Variants in ABCA12 observed in about 807,000 individuals in gnomAD.
ABCA12 encodes ATP binding cassette subfamily A member 12.
A neutral mutation model predicts 293.5 loss-of-function variants in ABCA12; 156 were observed. That is an observed-to-expected ratio of 0.53 (90% CI 0.47 to 0.61). The LOEUF (loss-of-function observed/expected upper bound fraction) is 0.61. Ranked by LOEUF, ABCA12 falls within the 20% of genes least tolerant of loss-of-function variation. ABCA12 has a pLI of 0.00. For missense variants in ABCA12, 2,797 were observed against 3,090.2 expected (o/e 0.91, Z 2.25); for synonymous variants, 1,063 against 1,108.0 (o/e 0.96, Z 0.81).
chr2:214,973,257 T>C (rs184843086), intron 36 of ABCA12, among the ~76,000 whole-genome samples: 2 of 152,304 alleles, frequency 1.3e-5, no homozygotes, highest in African/African-American at 4.8e-5. Flanking sequence ...TATAAACTAT[T>C]ATACCAAGAC....
intron 3 of ABCA12, among the ~76,000 whole-genome samples, chr2:215,056,454 C>A (rs944505543): frequency 1.3e-5 from 2 of 152,088 alleles, no homozygotes; most frequent in South Asian, 2.1e-4. Flanking sequence ...TCTAACAGCA[C>A]CTTTCTCTCA....
intron 2 of ABCA12, among the ~76,000 whole-genome samples, chr2:215,068,124 C>T (rs888561278): frequency 1.3e-5 from 2 of 152,080 alleles, no homozygotes; most frequent in Non-Finnish European, 2.9e-5. Flanking sequence ...CAAGTTTGAT[C>T]CTTGGACCAA....
intron 28 of ABCA12, among the ~76,000 whole-genome samples, chr2:214,985,695 A>C (rs1429782300): frequency 6.6e-6 from 1 of 152,182 alleles, no homozygotes; most frequent in African/African-American, 2.4e-5. Context: ...TATTTACAAA[A>C]AAAAATTAAT....
At chr2:215,039,378 C>T in intron 7 of ABCA12, among the ~76,000 whole-genome samples, 1 of 152,162 alleles carries the variant, frequency 6.6e-6, no homozygotes, top group East Asian at 1.9e-4. Flanking sequence ...TTTAGTGACA[C>T]TGTCAGCTTT....
At chr2:214,981,959 TATTATTA>T (rs1289526356) in intron 30 of ABCA12, among the ~76,000 whole-genome samples, 2,346 of 134,886 alleles carry the variant, frequency 0.017, 81 homozygotes, top group Middle Eastern at 0.04. Context: ...TTATTATTAT[TATTATTA>T]TTATTATTAT....
At chr2:215,020,061 T>TA (rs1172311162) in intron 11 of ABCA12, among the ~76,000 whole-genome samples, 1 of 152,202 alleles carries the variant, frequency 6.6e-6, no homozygotes, top group Non-Finnish European at 1.5e-5. Flanking sequence ...AAATGGAGTT[T>TA]AGTTTTATCC....
In ABCA12 at chr2:214,997,726, A is replaced by T; in HGVS notation, c.3263T>A (p.Leu1088His). Reference protein sequence around the residue: ...VVFIAAFVKKLVYEKDLRLHE... With the variant: ...VVFIAAFVKKHVYEKDLRLHE... Reference sequence around the variant, plus strand: ...AAGCCGGAGGTCTTTCTCATAGACAAGCTTTTTTACAAAGGCAGCTATAAA... The same window carrying T: ...AAGCCGGAGGTCTTTCTCATAGACATGCTTTTTTACAAAGGCAGCTATAAA... The change falls in exon 23 of 53, where the codon CTT (leucine) becomes CAT (histidine). Residue 1088 changes from leucine to histidine, a missense_variant. Coordinates refer to ENST00000272895, the MANE Select transcript of ABCA12 (RefSeq NM_173076.3). 6.2e-7 allele frequency: 1 copy of T among 1,613,298 alleles called. No individual in the cohort carries two copies. The highest frequency in any genetic ancestry group is 1.1e-5 in the South Asian group (1 of 91,046).
At chr2:214,947,301 C>G in intron 48 of ABCA12, 121 bp downstream of exon 48, 1 of 1,404,450 alleles carries the variant, frequency 7.1e-7, no homozygotes, top group Non-Finnish European at 1.0e-6. Context: ...TGCACAATAG[C>G]TAGCACATAG....
intron 17 of ABCA12, 127 bp downstream of exon 17, chr2:215,011,312 A>G (rs1700366585): frequency 1.3e-6 from 1 of 750,882 alleles, no homozygotes; most frequent in East Asian, 2.7e-5. Context: ...AGTGCTGTAT[A>G]ATTATTTTCT....
Position 214,977,648 on chromosome 2 carries a change from G to T in ABCA12, c.5128+668C>A, listed in dbSNP as rs555039870. Among the ~76,000 whole-genome samples, 3 of 152,182 alleles carry T rather than the reference G, an allele frequency of 2.0e-5. No individual in the cohort carries two copies. The South Asian group carries it at 6.2e-4, about 32-fold the overall frequency. ...GAGACAATAAAAGTTATTTTCAAAA[G>T]AGCCCAATCCCACAAAGTCGTGTCA... On this transcript the variant is annotated intron_variant, in intron 33 of 52. Coordinates refer to ENST00000272895, the MANE Select transcript of ABCA12 (RefSeq NM_173076.3).
In ABCA12 at chr2:214,943,783, T is replaced by TA. The variant is rs540499470; in HGVS notation, c.7344-767dup. ...CAGTCTCTAATTTCATGGTCTATCA[T>TA]AATTGGAGGTGATTTTAGGTATTAC... On this transcript the variant is annotated intron_variant, in intron 49 of 52. Transcript: ENST00000272895. 8.0e-3 allele frequency among the ~76,000 whole-genome samples: 1,213 copies of TA among 152,294 alleles called. 9 individuals are homozygous for TA. Among genetic ancestry groups the TA allele is most frequent in the Non-Finnish European group, 0.014 (946 of 68,024 alleles).
chr2:214,968,851 ATCT>A lies in ABCA12; in HGVS notation c.5691-47_5691-45del, dbSNP rs770640784. The A allele has an allele frequency of 3.2e-6, 5 of 1,547,490 alleles. No individual in the cohort carries two copies. The Admixed American group carries it at 5.0e-5, about 16-fold the overall frequency. ...ATATATCTTTGGTTTAGTGGAGAAAATCTTCTTAAATAGATCTAAAATACTTAA... is the reference window on the plus strand; with the variant it reads ...ATATATCTTTGGTTTAGTGGAGAAAATCTTAAATAGATCTAAAATACTTAA... On this transcript the variant is annotated intron_variant, in intron 37 of 52. Coordinates refer to ENST00000272895, the MANE Select transcript of ABCA12 (RefSeq NM_173076.3).
chr2:215,054,511 A>C (rs1381218257), intron 4 of ABCA12, 62 bp downstream of exon 4: 2 of 1,363,328 alleles, frequency 1.5e-6, no homozygotes, highest in Non-Finnish European at 2.1e-6. Context: ...AAACCTTTCA[A>C]AGATTAGACC....
At chr2:214,988,771 C>T (rs1057238025) in intron 26 of ABCA12, among the ~76,000 whole-genome samples, 4 of 151,872 alleles carry the variant, frequency 2.6e-5, no homozygotes, top group Non-Finnish European at 4.4e-5. Flanking sequence ...AAGGAATATC[C>T]GAGAGGAAAT....
intron 4 of ABCA12, among the ~76,000 whole-genome samples, chr2:215,053,091 T>C (rs756528290): frequency 2.6e-5 from 4 of 152,048 alleles, no homozygotes; most frequent in Admixed American, 6.6e-5. Context: ...ATATTTTAGA[T>C]CAAATAAATG....
chr2:215,118,367 A>G (rs1575055979), intron 1 of ABCA12, among the ~76,000 whole-genome samples: 1 of 152,310 alleles, frequency 6.6e-6, no homozygotes. Flanking sequence ...TTGCCACTGC[A>G]TGCCAGCCTG....
intron 23 of ABCA12, among the ~76,000 whole-genome samples, chr2:214,996,614 A>T (rs1700038542): frequency 6.6e-6 from 1 of 152,186 alleles, no homozygotes; most frequent in African/African-American, 2.4e-5. Context: ...AAACTAGTTG[A>T]TGAGAAGTTT....
chr2:215,065,919 C>A (rs145726344), intron 2 of ABCA12, among the ~76,000 whole-genome samples: 1 of 152,192 alleles, frequency 6.6e-6, no homozygotes, highest in Non-Finnish European at 1.5e-5. Flanking sequence ...CTGAAGCCCA[C>A]CAAACTATTC....
intron 2 of ABCA12, among the ~76,000 whole-genome samples, chr2:215,098,480 TA>T (rs893350836): frequency 5.3e-5 from 8 of 152,344 alleles, no homozygotes; most frequent in African/African-American, 1.9e-4. Flanking sequence ...CTCCAGATTG[TA>T]TTCCCATTTT....
Sources: gnomAD v4.1 joint callset for allele counts (sites outside exome capture counted in the v4.1 genomes callset) on GRCh38, gnomAD v4.1.1 for gene constraint, MANE v1.5 for transcripts, NCBI Gene and HGNC (gene_info 2026-07-23, HGNC 2026-07-21) for gene names.